The following DENND4A variants were observed in gnomAD, a reference collection of about 807,000 sequenced individuals.
The protein encoded by DENND4A is C-myc promoter-binding protein.
In DENND4A, 70 loss-of-function variants were observed where a neutral mutation model predicts 199.3. The ratio of observed to expected loss-of-function variants is 0.35; its 90% CI spans 0.29 to 0.43. The LOEUF is 0.43. Ranked by LOEUF, DENND4A falls within the 20% of genes least tolerant of loss-of-function variation. The pLI is 1.00. For missense variants in DENND4A, 1,723 were observed against 2,255.8 expected (o/e 0.76, Z 4.78); for synonymous variants, 686 against 766.9 (o/e 0.89, Z 1.74).
intron 23 of DENND4A, among the ~76,000 whole-genome samples, chr15:65,684,654 C>T (rs1244310507): frequency 6.6e-6 from 1 of 152,038 alleles, no homozygotes; most frequent in African/African-American, 2.4e-5. Flanking sequence ...CAGTCTGTGG[C>T]TTTTCATTTT....
chr15:65,771,887 G>A (rs1369856107), intron 1 of DENND4A: 3 of 1,611,590 alleles, frequency 1.9e-6, no homozygotes, highest in African/African-American at 2.7e-5. Flanking sequence ...GTTGCTCCAG[G>A]TGCATGGTTT....
chr15:65,705,953 G>A (rs549786607), intron 15 of DENND4A, 138 bp downstream of exon 15: 1 of 1,305,020 alleles, frequency 7.7e-7, no homozygotes, highest in Non-Finnish European at 9.8e-7. Context: ...ATGGATGTGG[G>A]ATAAGCTTGC....
In DENND4A at chr15:65,771,742, C is replaced by A. The variant is rs2077132003; in HGVS notation, c.-101-10304G>T. 18 of 1,612,242 alleles carry A rather than the reference C, an allele frequency of 1.1e-5. No individual in the cohort carries two copies. In the East Asian group the frequency reaches 4.0e-4, roughly 36 times the overall value. ...CTGGAGTTATATCAACTTCACAAAA[C>A]CTCTATGGAAATTAAATCTGCCATT... On this transcript the variant is annotated intron_variant, in intron 1 of 32. Coordinates refer to ENST00000443035, the MANE Select transcript of DENND4A (RefSeq NM_001320835.1).
At chr15:65,759,935 AT>A (rs1321447091) in intron 2 of DENND4A, among the ~76,000 whole-genome samples, 5 of 152,008 alleles carry the variant, frequency 3.3e-5, no homozygotes, top group East Asian at 1.9e-4. Context: ...TATTTTGCTA[AT>A]TTTTTTTAAA....
intron 23 of DENND4A, among the ~76,000 whole-genome samples, chr15:65,677,927 CTTTTTTTTTTT>C (rs11071847): frequency 1.0e-5 from 1 of 100,114 alleles, no homozygotes; most frequent in Non-Finnish European, 2.0e-5. Flanking sequence ...CCTCTTATCT[CTTTTTTTTTTT>C]TTTTTTTTTC....
chr15:65,704,467 G>A (rs538035071), intron 15 of DENND4A, among the ~76,000 whole-genome samples: 1 of 152,266 alleles, frequency 6.6e-6, no homozygotes, highest in Non-Finnish European at 1.5e-5. Context: ...CAACCTCCCA[G>A]GCTCAAGTGA....
At chr15:65,738,548 C>A (rs1435792938) in intron 6 of DENND4A, among the ~76,000 whole-genome samples, 158 bp downstream of exon 6, 2 of 152,160 alleles carry the variant, frequency 1.3e-5, no homozygotes, top group African/African-American at 2.4e-5. Flanking sequence ...AATAAAAATT[C>A]TCTTTTCCTA....
chr15:65,719,092 A>T (rs2140289501), intron 12 of DENND4A, among the ~76,000 whole-genome samples: 1 of 150,968 alleles, frequency 6.6e-6, no homozygotes, highest in Non-Finnish European at 1.5e-5. Flanking sequence ...TTTGCATGTT[A>T]TGTGCACATA....
Position 65,697,275 on chromosome 15 carries a change from C to T in DENND4A, c.2942G>A (p.Cys981Tyr), listed in dbSNP as rs2077179925. The change falls in exon 21 of 33, where the codon TGT (cysteine) becomes TAT (tyrosine). Residue 981 changes from cysteine to tyrosine, a missense_variant. This residue lies in a region of DENND4A where 650 missense variants were observed against 738.1 expected (regional missense o/e 0.88). Transcript: ENST00000443035. Reference sequence around the variant, plus strand: ...ACTTAAACAATACCTACAGGAACTACAATCACTCCCTTTTTTATCTTTTTC... The same window carrying T: ...ACTTAAACAATACCTACAGGAACTATAATCACTCCCTTTTTTATCTTTTTC... ...QEEKDKKGSDCSSLSESESTK... is the reference protein window; with the variant it reads ...QEEKDKKGSDYSSLSESESTK... The T allele has an allele frequency of 1.9e-6, 3 of 1,571,106 alleles. No individual in the cohort carries two copies. Among genetic ancestry groups the T allele is most frequent in the South Asian group, 2.3e-5 (2 of 87,822 alleles).
chr15:65,662,081 T>G, intron 32 of DENND4A, 94 bp from the exon 33 acceptor site: 4 of 1,040,840 alleles, frequency 3.8e-6, no homozygotes, highest in Non-Finnish European at 5.5e-6. Flanking sequence ...AACACAACAT[T>G]AGAGGCCAAG....
intron 1 of DENND4A, among the ~76,000 whole-genome samples, chr15:65,769,452 C>T (rs905625666): frequency 1.3e-5 from 2 of 152,124 alleles, no homozygotes; most frequent in Admixed American, 1.3e-4. Flanking sequence ...GGTTTAGCAG[C>T]TACATGCTCT....
chr15:65,731,588 T>C, intron 9 of DENND4A, 54 bp downstream of exon 9: 4 of 1,297,730 alleles, frequency 3.1e-6, no homozygotes, highest in Non-Finnish European at 4.3e-6. Flanking sequence ...AATAAAATAT[T>C]TGAATGTTAT....
chr15:65,697,057 T>G, intron 21 of DENND4A: 1 of 451,644 alleles, frequency 2.2e-6, no homozygotes, highest in South Asian at 3.5e-5. Context: ...GGTATTTGAT[T>G]TGGGAAGTGT....
chr15:65,755,770 A>G (rs2076685269), intron 3 of DENND4A, among the ~76,000 whole-genome samples: 2 of 152,176 alleles, frequency 1.3e-5, no homozygotes, highest in South Asian at 4.1e-4. Flanking sequence ...GTCCCTTTAA[A>G]AAGAAAAAAA....
intron 4 of DENND4A, among the ~76,000 whole-genome samples, chr15:65,751,949 A>G (rs1032224192): frequency 3.3e-5 from 5 of 152,124 alleles, no homozygotes; most frequent in African/African-American, 1.2e-4. Flanking sequence ...TTTTGCAAAG[A>G]TAAGAAATAT....
intron 23 of DENND4A, 80 bp downstream of exon 23, chr15:65,690,335 G>A (rs1002876411): frequency 3.0e-5 from 43 of 1,425,516 alleles, no homozygotes; most frequent in Non-Finnish European, 3.9e-5. Flanking sequence ...TAGAAGAATA[G>A]TTAAAACGAG....
At chr15:65,787,548 G>A (rs1314011303) in intron 1 of DENND4A, among the ~76,000 whole-genome samples, 1 of 152,000 alleles carries the variant, frequency 6.6e-6, no homozygotes, top group Non-Finnish European at 1.5e-5. Context: ...AAATAATAAC[G>A]GCCATAGATG....
At chr15:65,722,050 A>G (rs2075663157) in intron 12 of DENND4A, among the ~76,000 whole-genome samples, 1 of 152,262 alleles carries the variant, frequency 6.6e-6, no homozygotes, top group Non-Finnish European at 1.5e-5. Context: ...AGAAAAATAA[A>G]AAACATTTTT....
chr15:65,691,467 T>A lies in DENND4A; in HGVS notation c.3127A>T (p.Asn1043Tyr), dbSNP rs199497911. The A allele has an allele frequency of 6.2e-7, 1 of 1,611,928 alleles. No individual in the cohort carries two copies. Among genetic ancestry groups the A allele is most frequent in the Non-Finnish European group, 8.5e-7 (1 of 1,179,012 alleles). Residue 1043 changes from asparagine (N) to tyrosine (Y), a missense_variant, in exon 23 of 33, where the codon AAT becomes TAT. Around this residue, in one of 6 missense-constraint regions of DENND4A, gnomAD observed 650 missense variants for 738.1 expected, o/e 0.88. Coordinates refer to ENST00000443035, the MANE Select transcript of DENND4A (RefSeq NM_001320835.1). ...CTACTTTGAATGTTTCGTGTTTCAT[T>A]TGTATCTTCAAGAGATGATATTAAG... ...LLLISSLEDTNETRNIQSRCF... is the reference protein window; with the variant it reads ...LLLISSLEDTYETRNIQSRCF...
Sources: allele counts gnomAD v4.1 joint callset (sites outside exome capture counted in the v4.1 genomes callset), GRCh38; gene constraint gnomAD v4.1.1; regional missense constraint gnomAD v4.1.1; transcripts MANE v1.5; gene names NCBI Gene and HGNC (gene_info 2026-07-23, HGNC 2026-07-21).